TBL1XR1: variants seen among roughly 807,000 people sequenced by gnomAD.
The protein encoded by TBL1XR1 is TBL1X/Y related 1.
TBL1XR1 carries 5 observed loss-of-function variants against 66.9 expected under a neutral mutation model. The observed-to-expected ratio is 0.07, with a 90% CI of 0.04 to 0.16. TBL1XR1 has a LOEUF of 0.16. Among genes scored for constraint, TBL1XR1 ranks in the 10% least tolerant of loss-of-function variants. The probability of loss-of-function intolerance (pLI) is 1.00; values close to 1 mark genes in which losing one functional copy is unlikely to be tolerated. For synonymous variants in TBL1XR1, 210 were observed against 206.0 expected (o/e 1.02, Z -0.17); for missense variants, 238 against 623.2 (o/e 0.38, Z 6.58).
intron 15 of TBL1XR1, 49 bp downstream of exon 15, chr3:177,026,324 A>T: frequency 7.2e-7 from 1 of 1,398,554 alleles, no homozygotes; most frequent in Non-Finnish European, 1.0e-6. Flanking sequence ...CTGCATTCTG[A>T]TGTGAATACC....
chr3:177,193,908 T>G (rs1288115027), intron 1 of TBL1XR1, among the ~76,000 whole-genome samples: 3 of 152,202 alleles, frequency 2.0e-5, no homozygotes, highest in Non-Finnish European at 4.4e-5. Context: ...CTCTGTTTCA[T>G]CATCCACAAA....
At chr3:177,070,057 G>A (rs1337336306) in intron 2 of TBL1XR1, among the ~76,000 whole-genome samples, 1 of 152,176 alleles carries the variant, frequency 6.6e-6, no homozygotes, top group East Asian at 1.9e-4. Context: ...TTGTTTATTT[G>A]ATGATAGGGA....
At chr3:177,027,005 CT>C (rs375396413) in intron 14 of TBL1XR1, 2 of 152,318 alleles carry the variant, frequency 1.3e-5, no homozygotes, top group Non-Finnish European at 2.9e-5. Context: ...ATGTATGTTC[CT>C]TTTTTTTCTT....
chr3:177,109,149 A>G (rs1434246823), intron 1 of TBL1XR1, among the ~76,000 whole-genome samples: 5 of 152,208 alleles, frequency 3.3e-5, no homozygotes, highest in Admixed American at 1.3e-4. Flanking sequence ...ATTTGTAATT[A>G]ATTTTTAAAA....
intron 10 of TBL1XR1, among the ~76,000 whole-genome samples, chr3:177,039,724 T>A (rs1361024702): frequency 6.6e-6 from 1 of 151,834 alleles, no homozygotes; most frequent in African/African-American, 2.4e-5. Flanking sequence ...AAAGCAGGGG[T>A]TGACAAACTA....
intron 10 of TBL1XR1, among the ~76,000 whole-genome samples, chr3:177,044,131 G>C (rs535955684): frequency 2.0e-5 from 3 of 152,216 alleles, no homozygotes; most frequent in Admixed American, 6.5e-5. Context: ...CCGCAGCATC[G>C]AATCTGTGGT....
chr3:177,080,317 T>C (rs890993417), intron 2 of TBL1XR1, among the ~76,000 whole-genome samples: 3 of 152,188 alleles, frequency 2.0e-5, no homozygotes, highest in Admixed American at 6.5e-5. Flanking sequence ...AAAAGACCTA[T>C]TCACCTTTGG....
intron 1 of TBL1XR1, among the ~76,000 whole-genome samples, chr3:177,189,404 G>A (rs1187708360): frequency 6.6e-6 from 1 of 151,862 alleles, no homozygotes; most frequent in African/African-American, 2.4e-5. Flanking sequence ...GTTAGTCCCA[G>A]CAATTTGGGA....
rs75928533 is a variant in TBL1XR1 at position 177,107,551 on chromosome 3, C to T, written c.-121-9010G>A. ...TTCTGGAGAATGCCAAGTTCTCATC[C>T]GGTGTTGGTTTGCCAAAATGCTTTC... On this transcript the variant is annotated intron_variant, in intron 1 of 15. Coordinates refer to ENST00000457928, the MANE Select transcript of TBL1XR1 (RefSeq NM_024665.7). 6.7e-3 allele frequency among the ~76,000 whole-genome samples: 1,024 copies of T among 152,146 alleles called. 18 individuals carry two copies. Among genetic ancestry groups the T allele is most frequent in the African/African-American group, 0.023 (964 of 41,504 alleles).
At chr3:177,117,711 A>G (rs961855574) in intron 1 of TBL1XR1, among the ~76,000 whole-genome samples, 7 of 152,204 alleles carry the variant, frequency 4.6e-5, no homozygotes, top group Admixed American at 2.0e-4. Context: ...TACAGTGACT[A>G]ATCTTCTAAT....
At chr3:177,046,001 C>G in intron 10 of TBL1XR1, 128 bp downstream of exon 10, 1 of 689,406 alleles carries the variant, frequency 1.5e-6, no homozygotes. Context: ...AACATCAACT[C>G]TCCAAAGGAC....
At chr3:177,159,623 GAT>G (rs1264838703) in intron 1 of TBL1XR1, among the ~76,000 whole-genome samples, 4 of 152,092 alleles carry the variant, frequency 2.6e-5, no homozygotes, top group African/African-American at 9.7e-5. Context: ...AAGCACTAAA[GAT>G]ATGTCAGTGT....
intron 1 of TBL1XR1, chr3:177,110,803 T>C (rs1725463984): frequency 6.6e-6 from 1 of 152,140 alleles, no homozygotes; most frequent in African/African-American, 2.4e-5. Context: ...AGAACAAAAA[T>C]CTTACCTCCT....
intron 1 of TBL1XR1, chr3:177,194,080 G>A (rs1453735027): frequency 1.3e-5 from 2 of 152,206 alleles, no homozygotes; most frequent in African/African-American, 4.8e-5. Flanking sequence ...CAATCCCAGA[G>A]GGGTAAACAG....
chr3:177,196,740 C>CT (rs1238996311), intron 1 of TBL1XR1, among the ~76,000 whole-genome samples: 5 of 98,916 alleles, frequency 5.1e-5, no homozygotes, highest in East Asian at 4.5e-4. Context: ...AAGCCTCCCC[C>CT]CCCAAACACA....
chr3:177,165,289 C>T (rs1170570487), intron 1 of TBL1XR1, among the ~76,000 whole-genome samples: 1 of 152,040 alleles, frequency 6.6e-6, no homozygotes, highest in Non-Finnish European at 1.5e-5. Flanking sequence ...TACTCAGGCA[C>T]AAATCTAACA....
chr3:177,091,470 G>A (rs1436396052), intron 2 of TBL1XR1, among the ~76,000 whole-genome samples: 1 of 151,938 alleles, frequency 6.6e-6, no homozygotes, highest in Non-Finnish European at 1.5e-5. Flanking sequence ...TAGAGACATA[G>A]CTGATCTGAG....
At chr3:177,080,382 T>G (rs1409140768) in intron 2 of TBL1XR1, among the ~76,000 whole-genome samples, 1 of 152,124 alleles carries the variant, frequency 6.6e-6, no homozygotes, top group Non-Finnish European at 1.5e-5. Flanking sequence ...AGTACTTACT[T>G]TAAGTGATAA....
intron 12 of TBL1XR1, 33 bp downstream of exon 12, chr3:177,038,065 C>T (rs754059136): frequency 1.5e-5 from 24 of 1,600,670 alleles, no homozygotes; most frequent in East Asian, 6.7e-5. Flanking sequence ...TGTGTGACAC[C>T]GCCAACCCAT....
Sources: gnomAD v4.1 joint callset for allele counts (sites outside exome capture counted in the v4.1 genomes callset) on GRCh38, gnomAD v4.1.1 for gene constraint, MANE v1.5 for transcripts, NCBI Gene and HGNC (gene_info 2026-07-23, HGNC 2026-07-21) for gene names.